Variants in PTPN5 observed in about 807,000 individuals in gnomAD.
PTPN5 encodes the protein tyrosine-protein phosphatase non-receptor type 5.
Under a neutral mutation model 73.9 loss-of-function variants are expected in PTPN5, and 29 were observed. The observed-to-expected ratio is 0.39, with a 90% CI of 0.29 to 0.54. The LOEUF is 0.54. Among genes scored for constraint, PTPN5 ranks in the 20% least tolerant of loss-of-function variants. PTPN5 has a pLI of 0.65. For synonymous variants in PTPN5, 267 were observed against 304.7 expected (o/e 0.88, Z 1.29); for missense variants, 652 against 751.4 (o/e 0.87, Z 1.55).
At chr11:18,788,679 C>T (rs189737436) in intron 1 of PTPN5, among the ~76,000 whole-genome samples, 17 of 152,264 alleles carry the variant, frequency 1.1e-4, no homozygotes, top group Admixed American at 8.5e-4. Context: ...AGGGGTTATC[C>T]GCCTCTCTTT....
intron 3 of PTPN5, 134 bp downstream of exon 3, chr11:18,765,673 A>G: frequency 1.5e-6 from 1 of 689,188 alleles, no homozygotes. Context: ...TTAAACGAAG[A>G]GCTATGGAGC....
Position 18,743,442 on chromosome 11 carries a change from G to A in PTPN5, c.292-13C>T, listed in dbSNP as rs754647945. On this transcript the variant is annotated splice_polypyrimidine_tract_variant and intron_variant, in intron 4 of 14. Transcript: ENST00000358540. ...CCCCACAGGCAAGCTGGGGCACAGG[G>A]GAGCAGGCTGAGTATGGAGCCGGCC... 1 of 1,612,362 alleles carries A rather than the reference G, an allele frequency of 6.2e-7. No individual in the cohort carries two copies. The highest frequency in any genetic ancestry group is 8.5e-7 in the Non-Finnish European group (1 of 1,178,386).
intron 3 of PTPN5, among the ~76,000 whole-genome samples, chr11:18,764,047 C>T (rs1850519584): frequency 6.6e-6 from 1 of 152,224 alleles, no homozygotes; most frequent in Non-Finnish European, 1.5e-5. Context: ...AATTCTATGA[C>T]TCATATCTGA....
At chr11:18,756,661 G>A (rs1272257714) in intron 3 of PTPN5, among the ~76,000 whole-genome samples, 2 of 151,838 alleles carry the variant, frequency 1.3e-5, no homozygotes, top group African/African-American at 4.8e-5. Flanking sequence ...GGTGGCTCAC[G>A]CCTGTAATCC....
At chr11:18,744,394 A>G in intron 3 of PTPN5, 195 bp from the exon 4 acceptor site, 1 of 422,964 alleles carries the variant, frequency 2.4e-6, no homozygotes, top group East Asian at 3.6e-5. Flanking sequence ...TGGGTGGACA[A>G]ATTATTTCTC....
At chr11:18,746,192 T>TATATATATATATATATATACATAC (rs550537453) in intron 3 of PTPN5, among the ~76,000 whole-genome samples, 1 of 102,818 alleles carries the variant, frequency 9.7e-6, no homozygotes. Flanking sequence ...TATATATATA[T>TATATATATATATATATATACATAC]ACATTTTTTT....
At chr11:18,738,265 G>A (rs1405987665) in intron 8 of PTPN5, among the ~76,000 whole-genome samples, 1 of 152,154 alleles carries the variant, frequency 6.6e-6, no homozygotes, top group Non-Finnish European at 1.5e-5. Flanking sequence ...CTGGCCAATG[G>A]CTGCCTTCTT....
rs774815903 is a variant in PTPN5 at position 18,756,937 on chromosome 11, C to CAAAACA, written c.97+8869_97+8870insTGTTTT. ...AGACTCCATCAAAAAAAAAAAAAAACCAAAAAACAAAAACAAAACAAAAAG... is the reference window on the plus strand; with the variant it reads ...AGACTCCATCAAAAAAAAAAAAAAACAAAACACAAAAAACAAAAACAAAACAAAAAG... On this transcript the variant is annotated intron_variant, in intron 3 of 14. Transcript: ENST00000358540. Among the ~76,000 whole-genome samples the CAAAACA allele has an allele frequency of 1.2e-4, 17 of 143,278 alleles. No homozygotes were observed. The South Asian group carries it at 2.8e-3, about 23-fold the overall frequency. The allele number at this position is 143,278 out of a possible 152,430, so 94.0% of individuals were successfully genotyped here.
intron 1 of PTPN5, among the ~76,000 whole-genome samples, chr11:18,775,322 C>T (rs952844963): frequency 3.9e-5 from 6 of 152,202 alleles, no homozygotes; most frequent in African/African-American, 1.4e-4. Flanking sequence ...AAAATCCTCA[C>T]CATAAATCTA....
At position 18,733,131 on chromosome 11, in the gene PTPN5, C is replaced by CGCCGCCG; in HGVS notation, c.1218+103_1218+104insCGGCGGC. 1 of 1,500,618 alleles carries CGCCGCCG rather than the reference C, an allele frequency of 6.7e-7. No individual in the cohort carries two copies. The highest frequency in any genetic ancestry group is 9.0e-7 in the Non-Finnish European group (1 of 1,112,110). The allele number at this position is 1,500,618 out of a possible 1,614,324, so 93.0% of individuals were successfully genotyped here. ...CTCCTCATCTTGGCAGCGGAGTGAA[C>CGCCGCCG]ACCGCCGACCTCTTGAGATTGTCAT... is the stretch of plus-strand genomic sequence containing the variant. On this transcript the variant is annotated intron_variant, in intron 11 of 14. Transcript: ENST00000358540. This position sits in a 1 kb window ranked among gnomAD's most constrained non-coding sequence, Gnocchi z 4.3.
intron 3 of PTPN5, among the ~76,000 whole-genome samples, chr11:18,752,203 G>A (rs996255597): frequency 6.6e-6 from 1 of 152,212 alleles, no homozygotes; most frequent in Non-Finnish European, 1.5e-5. Context: ...CTGCACTCCA[G>A]CCTGGGTGAC....
rs1564929448 is a variant in PTPN5, at chr11:18,777,991, A to AAGGAAGGAAGGAAGG, written c.-113-5921_-113-5920insCCTTCCTTCCTTCCT. On this transcript the variant is annotated intron_variant, in intron 1 of 14. Coordinates refer to ENST00000358540, the MANE Select transcript of PTPN5 (RefSeq NM_006906.2). ...GGAAGGAAGGAAGAAAGAAAGAAAG[A>AAGGAAGGAAGGAAGG]AAGGAAGGAAGGAAGGAAGGAAGGA... Among the ~76,000 whole-genome samples the AAGGAAGGAAGGAAGG allele has an allele frequency of 4.1e-4, 38 of 92,564 alleles. No individual in the cohort carries two copies. The South Asian group carries it at 8.1e-3, about 20-fold the overall frequency. 60.7% of individuals were successfully genotyped at this position (92,564 alleles called of 152,430 possible).
intron 1 of PTPN5, among the ~76,000 whole-genome samples, chr11:18,772,433 C>T (rs1489848648): frequency 6.6e-6 from 1 of 152,188 alleles, no homozygotes; most frequent in South Asian, 2.1e-4. Context: ...AGCTGCCTAC[C>T]CTCCTTGCCC....
chr11:18,766,851 T>C (rs1388627176), intron 2 of PTPN5, among the ~76,000 whole-genome samples: 1 of 152,176 alleles, frequency 6.6e-6, no homozygotes, highest in Non-Finnish European at 1.5e-5. Flanking sequence ...CAAACCAGCC[T>C]GGGTCAATCA....
At chr11:18,768,241 C>A (rs1850724517) in intron 2 of PTPN5, among the ~76,000 whole-genome samples, 1 of 152,218 alleles carries the variant, frequency 6.6e-6, no homozygotes, top group Non-Finnish European at 1.5e-5. Flanking sequence ...TGGGAGCTCT[C>A]CTCCACAGCT....
chr11:18,740,938 C>T (rs931479805), intron 7 of PTPN5, 146 bp from the exon 8 acceptor site: 3 of 460,128 alleles, frequency 6.5e-6, no homozygotes, highest in South Asian at 7.6e-5. Context: ...TGTGACAAGA[C>T]CCCCTGACAA....
At chr11:18,788,319 C>T (rs529608843) in intron 1 of PTPN5, among the ~76,000 whole-genome samples, 65 of 152,232 alleles carry the variant, frequency 4.3e-4, no homozygotes, top group African/African-American at 1.5e-3. Flanking sequence ...CATCATGTTA[C>T]GGTTTGATTA....
chr11:18,753,337 GC>G (rs1849979090), intron 3 of PTPN5, among the ~76,000 whole-genome samples: 1 of 152,166 alleles, frequency 6.6e-6, no homozygotes, highest in South Asian at 2.1e-4. Context: ...ACCTCAGGGG[GC>G]CTTCCAAGTG....
In PTPN5 at chr11:18,742,585, C is replaced by T; in HGVS notation, c.484-82G>A. 2 of 1,551,192 alleles carry T rather than the reference C, an allele frequency of 1.3e-6. No homozygotes were observed. The highest frequency in any genetic ancestry group is 1.7e-6 in the Non-Finnish European group (2 of 1,152,112). On this transcript the variant is annotated intron_variant, in intron 6 of 14. Coordinates refer to ENST00000358540, the MANE Select transcript of PTPN5 (RefSeq NM_006906.2). This position sits in a 1 kb window ranked among gnomAD's most constrained non-coding sequence, Gnocchi z 4.1. ...CCTGGAGTGCCCATGGGATTGACGC[C>T]CCCCCACTCCCTCAGTGTGTCTAGA...
Sources: gnomAD v4.1 joint callset for allele counts (sites outside exome capture counted in the v4.1 genomes callset) on GRCh38, gnomAD v4.1.1 for gene constraint, Gnocchi (gnomAD v3.1) non-coding constraint, MANE v1.5 for transcripts, NCBI Gene and HGNC (gene_info 2026-07-23, HGNC 2026-07-21) for gene names.